The following MAST4 variants were observed in gnomAD, a reference collection of about 807,000 sequenced individuals.
MAST4 encodes microtubule associated serine/threonine kinase family member 4, also known as microtubule-associated serine/threonine-protein kinase 4.
MAST4 carries 89 observed loss-of-function variants against 162.7 expected under a neutral mutation model. The ratio of observed to expected loss-of-function variants is 0.55; its 90% CI spans 0.46 to 0.65. The LOEUF (loss-of-function observed/expected upper bound fraction) is 0.65, where lower values mean the gene tolerates loss of function less well. MAST4 is among the 30% of genes least tolerant of loss of function. The pLI is 0.00. For synonymous variants in MAST4, 1,479 were observed against 1,361.1 expected (o/e 1.09, Z -1.91); for missense variants, 3,153 against 3,374.0 (o/e 0.93, Z 1.62).
intron 4 of MAST4, among the ~76,000 whole-genome samples, chr5:66,999,380 A>G (rs755727536): frequency 4.6e-5 from 7 of 152,210 alleles, no homozygotes; most frequent in African/African-American, 1.2e-4. Context: ...TACTCTAATT[A>G]TCAATCATAC....
chr5:66,791,547 T>A (rs1755410686), intron 3 of MAST4, among the ~76,000 whole-genome samples: 1 of 152,174 alleles, frequency 6.6e-6, no homozygotes, highest in Non-Finnish European at 1.5e-5. Flanking sequence ...TACCTGCAGG[T>A]TTTTATGTTT....
At chr5:66,664,449 A>AAAAG (rs1747118911) in intron 1 of MAST4, among the ~76,000 whole-genome samples, 1 of 140,766 alleles carries the variant, frequency 7.1e-6, no homozygotes, top group Admixed American at 7.6e-5. Context: ...AAAAAAAAAA[A>AAAAG]AAAGAAAATA....
chr5:66,767,943 T>C (rs867737563), intron 2 of MAST4, among the ~76,000 whole-genome samples: 1 of 152,152 alleles, frequency 6.6e-6, no homozygotes, highest in African/African-American at 2.4e-5. Flanking sequence ...TTAATCTCCT[T>C]TGACAACACC....
chr5:66,640,932 T>C (rs944784725), intron 1 of MAST4, among the ~76,000 whole-genome samples: 1 of 152,220 alleles, frequency 6.6e-6, no homozygotes, highest in Admixed American at 6.5e-5. Context: ...TAAGATGATA[T>C]CTCATTGTGG....
Position 66,888,069 on chromosome 5 carries a change from G to T in MAST4, c.643-11882G>T, listed in dbSNP as rs369233175. Among the ~76,000 whole-genome samples the T allele has an allele frequency of 1.2e-3, 179 of 151,910 alleles. 1 individual carries two copies. Among genetic ancestry groups the T allele is most frequent in the African/African-American group, 3.9e-3 (160 of 41,416 alleles). On this transcript the variant is annotated intron_variant, in intron 3 of 28. Coordinates refer to ENST00000403625, the MANE Select transcript of MAST4 (RefSeq NM_001164664.2). ...TAAAAAAAAAAATAAAAATAAAATAGTACATTGGAGAAAATACTTTAAAAA... is the reference window on the plus strand; with the variant it reads ...TAAAAAAAAAAATAAAAATAAAATATTACATTGGAGAAAATACTTTAAAAA...
intron 5 of MAST4, among the ~76,000 whole-genome samples, chr5:67,058,131 A>T (rs1759086414): frequency 6.6e-6 from 1 of 152,122 alleles, no homozygotes; most frequent in African/African-American, 2.4e-5. Flanking sequence ...GCTACTCAGG[A>T]GGCTGAGGTG....
At chr5:67,129,581 G>A (rs1247857344) in intron 14 of MAST4, among the ~76,000 whole-genome samples, 1 of 151,932 alleles carries the variant, frequency 6.6e-6, no homozygotes. Flanking sequence ...AAAATTAGCT[G>A]GGCATGGTGG....
intron 1 of MAST4, among the ~76,000 whole-genome samples, chr5:66,682,416 T>C (rs574551288): frequency 2.6e-5 from 4 of 152,364 alleles, no homozygotes; most frequent in Non-Finnish European, 5.9e-5. Flanking sequence ...GTGTCAGTGC[T>C]GCTAACAGTG....
chr5:67,020,379 C>G (rs922609052), intron 4 of MAST4, among the ~76,000 whole-genome samples: 2 of 152,212 alleles, frequency 1.3e-5, no homozygotes, highest in African/African-American at 4.8e-5. Context: ...ATCCTTCCAA[C>G]AATCTGCCAC....
intron 6 of MAST4, chr5:67,093,680 C>T: frequency 4.4e-6 from 2 of 452,574 alleles, no homozygotes; most frequent in Non-Finnish European, 4.5e-6. Context: ...CATGTCTTCT[C>T]TTGGAATTGC....
intron 4 of MAST4, among the ~76,000 whole-genome samples, chr5:67,028,496 C>T (rs538735328): frequency 4.6e-5 from 7 of 152,154 alleles, no homozygotes; most frequent in Middle Eastern, 3.4e-3. Flanking sequence ...GCAAGCATCA[C>T]GGGCTTCTGG....
chr5:66,923,930 G>A (rs1764709808), intron 4 of MAST4, among the ~76,000 whole-genome samples: 1 of 152,212 alleles, frequency 6.6e-6, no homozygotes, highest in Non-Finnish European at 1.5e-5. Context: ...GGAGCAAAAA[G>A]CTCATCTTAA....
intron 3 of MAST4, among the ~76,000 whole-genome samples, chr5:66,872,439 GGA>G (rs1478749144): frequency 3.3e-5 from 5 of 152,074 alleles, no homozygotes; most frequent in African/African-American, 9.7e-5. Flanking sequence ...CAAAGTACTG[GGA>G]TTACAGGCGG....
chr5:67,153,594 T>C lies in MAST4; in HGVS notation c.3648+14T>C. 1.3e-6 allele frequency: 2 copies of C among 1,562,616 alleles called. No individual in the cohort carries two copies. Among genetic ancestry groups the C allele is most frequent in the Non-Finnish European group, 1.7e-6 (2 of 1,153,484 alleles). On this transcript the variant is annotated intron_variant, in intron 26 of 28. Transcript: ENST00000403625. ...CTCCTACTGAAGGTATTGTATGTTT[T>C]ATGTCAGGGCCATGCTGATGAGACA...
intron 3 of MAST4, among the ~76,000 whole-genome samples, chr5:66,888,640 G>C (rs1245165184): frequency 6.6e-6 from 1 of 152,178 alleles, no homozygotes; most frequent in African/African-American, 2.4e-5. Context: ...AAAGAATATT[G>C]ATTCTTCAAA....
intron 1 of MAST4, among the ~76,000 whole-genome samples, chr5:66,612,807 C>T (rs556315023): frequency 6.6e-6 from 1 of 152,228 alleles, no homozygotes; most frequent in African/African-American, 2.4e-5. Flanking sequence ...AATTATTTGG[C>T]CTATCAGATA....
At chr5:67,141,246 C>T (rs996948809) in intron 19 of MAST4, among the ~76,000 whole-genome samples, 17 of 152,194 alleles carry the variant, frequency 1.1e-4, no homozygotes, top group African/African-American at 3.9e-4. Context: ...TGATTAGTCC[C>T]TGTAGTAGCT....
In MAST4 at chr5:67,142,144, T is replaced by C; in HGVS notation, c.2524T>C (p.Phe842Leu). 6.2e-7 allele frequency: 1 copy of C among 1,613,968 alleles called. No individual in the cohort carries two copies. Among genetic ancestry groups the C allele is most frequent in the Non-Finnish European group, 8.5e-7 (1 of 1,179,832 alleles). Reference sequence around the variant, plus strand: ...TGCATATGAAGTCAAACAGCATCGATTCTTCCGTTCTTTAGACTGGAACAG... The same window carrying C: ...TGCATATGAAGTCAAACAGCATCGACTCTTCCGTTCTTTAGACTGGAACAG... ...GGAYEVKQHR[F>L]FRSLDWNSLL... Residue 842 changes from phenylalanine to leucine, a missense_variant, in exon 20 of 29, where the codon TTC becomes CTC. Phe to Leu is a conservative substitution (Grantham distance 22). Transcript: ENST00000403625.
chr5:67,145,073 T>C (rs544599309), intron 22 of MAST4, 71 bp from the exon 23 acceptor site: 115 of 1,334,912 alleles, frequency 8.6e-5, no homozygotes, highest in Non-Finnish European at 1.1e-4. Context: ...TTCACCTGGT[T>C]TCTTCCAAAA....
Sources: gnomAD v4.1 joint callset for allele counts (sites outside exome capture counted in the v4.1 genomes callset) on GRCh38, gnomAD v4.1.1 for gene constraint, MANE v1.5 for transcripts, NCBI Gene and HGNC (gene_info 2026-07-23, HGNC 2026-07-21) for gene names.